The following LOC122539214 variants were observed in gnomAD, a reference collection of about 807,000 sequenced individuals.
chr19:52,658,067 C>T, the LOC122539214 span, among the ~76,000 whole-genome samples: 3 of 148,188 alleles, frequency 2.0e-5, no homozygotes, highest in Non-Finnish European at 3.0e-5. Flanking sequence ...ACCATGAAAG[C>T]GGAGGTTGCA....
the LOC122539214 span, among the ~76,000 whole-genome samples, chr19:52,673,303 G>A: frequency 2.0e-5 from 3 of 152,116 alleles, no homozygotes; most frequent in East Asian, 1.9e-4. Context: ...TCAAGAGTTC[G>A]AGACCAGCCT....
chr19:52,678,034 AAAAAC>A, the LOC122539214 span, among the ~76,000 whole-genome samples: 1 of 151,056 alleles, frequency 6.6e-6, no homozygotes, highest in African/African-American at 2.4e-5. Flanking sequence ...GACTGTCTCA[AAAAAC>A]AAAACAAAAC....
At chr19:52,674,002 T>C in the LOC122539214 span, among the ~76,000 whole-genome samples, 11 of 117,720 alleles carry the variant, frequency 9.3e-5, no homozygotes, top group Non-Finnish European at 1.5e-4. Flanking sequence ...GGTAACAGAG[T>C]GAGACTCCAT....
the LOC122539214 span, among the ~76,000 whole-genome samples, chr19:52,681,431 AAG>A: frequency 1.4e-4 from 22 of 152,270 alleles, no homozygotes; most frequent in East Asian, 4.2e-3. Context: ...TAGAAAAGAA[AAG>A]AGAGTAAAGT....
the LOC122539214 span, chr19:52,654,198 G>T: frequency 7.5e-6 from 12 of 1,596,206 alleles, no homozygotes; most frequent in South Asian, 3.3e-5. Flanking sequence ...TCAACTTTTT[G>T]ATTTTTGTCA....
chr19:52,662,583 C>A, the LOC122539214 span, among the ~76,000 whole-genome samples: 1 of 152,182 alleles, frequency 6.6e-6, no homozygotes, highest in East Asian at 1.9e-4. Flanking sequence ...TTTTGGAGAA[C>A]AGTAACTTAT....
chr19:52,685,338 G>T, the LOC122539214 span, among the ~76,000 whole-genome samples: 1 of 152,124 alleles, frequency 6.6e-6, no homozygotes, highest in Non-Finnish European at 1.5e-5. Flanking sequence ...TTCTTACATG[G>T]GGGCCTGGAA....
chr19:52,658,876 T>A, the LOC122539214 span, among the ~76,000 whole-genome samples: 1 of 152,214 alleles, frequency 6.6e-6, no homozygotes, highest in South Asian at 2.1e-4. Flanking sequence ...TAATCATTCA[T>A]GAAACTACTC....
chr19:52,667,224 GAAAAAAAA>G, the LOC122539214 span, among the ~76,000 whole-genome samples: 10 of 86,182 alleles, frequency 1.2e-4, no homozygotes, highest in Non-Finnish European at 2.6e-4. Context: ...TATCATCTTT[GAAAAAAAA>G]AAAAAAAAAA....
At chr19:52,659,885 T>C in the LOC122539214 span, among the ~76,000 whole-genome samples, 1 of 152,148 alleles carries the variant, frequency 6.6e-6, no homozygotes, top group African/African-American at 2.4e-5. Flanking sequence ...AGGGAGCTCC[T>C]GTAATATTAT....
the LOC122539214 span, chr19:52,651,397 G>A: frequency 6.6e-6 from 1 of 152,196 alleles, no homozygotes; most frequent in Non-Finnish European, 1.5e-5. Context: ...AATTCTTGAG[G>A]AGGTGTTAGA....
chr19:52,686,481 T>TAA, the LOC122539214 span, among the ~76,000 whole-genome samples: 7 of 128,652 alleles, frequency 5.4e-5, no homozygotes, highest in South Asian at 5.0e-4. Context: ...TATATATATA[T>TAA]AAATAAATGA....
At chr19:52,684,597 T>A in the LOC122539214 span, among the ~76,000 whole-genome samples, 1 of 150,628 alleles carries the variant, frequency 6.6e-6, no homozygotes, top group South Asian at 2.1e-4. Context: ...CTGATATGAT[T>A]GATGCAGAGA....
At chr19:52,678,796 A>G in the LOC122539214 span, among the ~76,000 whole-genome samples, 1 of 152,068 alleles carries the variant, frequency 6.6e-6, no homozygotes, top group South Asian at 2.1e-4. Context: ...CAACATAGTG[A>G]AAACCTGTCT....
the LOC122539214 span, among the ~76,000 whole-genome samples, chr19:52,675,605 A>G: frequency 6.6e-6 from 1 of 152,150 alleles, no homozygotes; most frequent in African/African-American, 2.4e-5. Context: ...GGATGGGCTC[A>G]CGGGGAAATT....
the LOC122539214 span, among the ~76,000 whole-genome samples, chr19:52,667,015 A>G: frequency 2.0e-5 from 3 of 152,212 alleles, no homozygotes; most frequent in African/African-American, 7.2e-5. Context: ...GGCCACCTAT[A>G]CCACTTCTAA....
At chr19:52,667,675 T>C in the LOC122539214 span, among the ~76,000 whole-genome samples, 31 of 152,196 alleles carry the variant, frequency 2.0e-4, no homozygotes, top group Non-Finnish European at 3.2e-4. Context: ...AGGGGTAATA[T>C]CCAGTTTTTC....
chr19:52,686,507 A>G, the LOC122539214 span, among the ~76,000 whole-genome samples: 7 of 151,148 alleles, frequency 4.6e-5, no homozygotes, highest in Admixed American at 1.3e-4. Context: ...CAGAAAGAAA[A>G]AAAAAAAGAA....
the LOC122539214 span, among the ~76,000 whole-genome samples, chr19:52,689,747 GCTCT>G: frequency 0.053 from 7,879 of 147,390 alleles, 506 homozygotes; most frequent in African/African-American, 0.15. Context: ...GTTTTCCACT[GCTCT>G]CTGTCCGTCT....
Sources: allele counts gnomAD v4.1 joint callset (sites outside exome capture counted in the v4.1 genomes callset), GRCh38; gene constraint gnomAD v4.1.1; transcripts MANE v1.5.